The following SLC41A3 variants were observed in gnomAD, a reference collection of about 807,000 sequenced individuals.
SLC41A3 encodes the protein SLC41A1-like 2.
Under a neutral mutation model 45.4 loss-of-function variants are expected in SLC41A3, and 44 were observed. That is an observed-to-expected ratio of 0.97 (90% CI 0.76 to 1.25). The LOEUF (loss-of-function observed/expected upper bound fraction) is 1.25. Among genes scored for constraint, SLC41A3 ranks in the 50% most tolerant of loss-of-function variants. The probability of loss-of-function intolerance (pLI) is 0.00; values close to 1 mark genes in which losing one functional copy is unlikely to be tolerated. For synonymous variants in SLC41A3, 256 were observed against 252.4 expected, an observed-to-expected ratio of 1.01 and a Z score of -0.13; for missense variants, 550 against 600.6, an observed-to-expected ratio of 0.92 and a Z score of 0.88.
At chr3:126,096,137 C>G (rs1576391199) in intron 1 of SLC41A3, among the ~76,000 whole-genome samples, 1 of 152,264 alleles carries the variant, frequency 6.6e-6, no homozygotes, top group East Asian at 1.9e-4. Flanking sequence ...GACCTTAATG[C>G]CAAGAACTGG....
rs1397366638 is a variant in SLC41A3, at chr3:126,093,051, AT to A, written c.-79+8377del. On this transcript the variant is annotated intron_variant, in intron 1 of 9. Transcript: ENST00000508835. ...ACCTCAAGCGACCGCTTTCAGTTCTATTTAGGCAAGAATCCAGCAAGCTAGA... is the reference window on the plus strand; with the variant it reads ...ACCTCAAGCGACCGCTTTCAGTTCTATTAGGCAAGAATCCAGCAAGCTAGA... 9.2e-5 allele frequency among the ~76,000 whole-genome samples: 14 copies of A among 152,304 alleles called. No homozygotes were observed. In the East Asian group the frequency reaches 9.6e-4, roughly 10 times the overall value.
chr3:126,091,374 A>T (rs777634802), intron 1 of SLC41A3, among the ~76,000 whole-genome samples: 2 of 152,096 alleles, frequency 1.3e-5, no homozygotes, highest in Non-Finnish European at 1.5e-5. Flanking sequence ...ACAACACATG[A>T]AAGATTTACA....
At chr3:126,027,957 G>C (rs1296931191) in intron 4 of SLC41A3, among the ~76,000 whole-genome samples, 1 of 152,210 alleles carries the variant, frequency 6.6e-6, no homozygotes, top group Non-Finnish European at 1.5e-5. Flanking sequence ...AAACATTCAA[G>C]ATATGAACTG....
intron 6 of SLC41A3, among the ~76,000 whole-genome samples, chr3:126,020,955 C>CAT (rs1559818000): frequency 1.1e-4 from 16 of 151,496 alleles, no homozygotes; most frequent in Non-Finnish European, 2.1e-4. Flanking sequence ...AGTACAGTGG[C>CAT]GCTATCCCGG....
chr3:126,020,746 G>C (rs561232474), intron 6 of SLC41A3, among the ~76,000 whole-genome samples: 1 of 152,276 alleles, frequency 6.6e-6, no homozygotes, highest in South Asian at 2.1e-4. Context: ...TCTGAAGCCT[G>C]CTACCTGAAG....
intron 8 of SLC41A3, among the ~76,000 whole-genome samples, chr3:126,014,036 G>C (rs1395244688): frequency 6.6e-6 from 1 of 152,172 alleles, no homozygotes; most frequent in Middle Eastern, 3.2e-3. Context: ...GCCATGCTGA[G>C]CATTCCTTCT....
Position 126,006,499 on chromosome 3 carries a change from G to T in SLC41A3, c.*517C>A. The T allele has an allele frequency of 6.2e-7, 1 of 1,613,998 alleles. No homozygotes were observed. The highest frequency in any genetic ancestry group is 8.5e-7 in the Non-Finnish European group (1 of 1,180,000). On this transcript the variant is annotated 3_prime_UTR_variant, in exon 11 of 11. Coordinates refer to ENST00000360370, the MANE Select transcript of SLC41A3 (RefSeq NM_017836.4). ...TGAGTGCAGATGAAGGGTTGTATGA[G>T]GCCCCATCCTGGGGAGGCTGTACAC...
chr3:126,046,662 G>A (rs1049228323), intron 3 of SLC41A3, among the ~76,000 whole-genome samples: 1 of 152,150 alleles, frequency 6.6e-6, no homozygotes, highest in African/African-American at 2.4e-5. Flanking sequence ...ACTTAATATT[G>A]TTAAGATATC....
chr3:126,071,417 G>GA (rs1248245643), intron 1 of SLC41A3, among the ~76,000 whole-genome samples: 1 of 152,134 alleles, frequency 6.6e-6, no homozygotes, highest in Admixed American at 6.5e-5. Context: ...AAAAGTGGCA[G>GA]AACTGAAGGA....
rs1370929053 is a variant in SLC41A3 at position 126,046,382 on chromosome 3, A to AC, written c.381+4560_381+4561insG. ...ACACACACACACACACACACACACAAATTTTTATAATAAATGAATTCAGCA... is the reference window on the plus strand; with the variant it reads ...ACACACACACACACACACACACACAACATTTTTATAATAAATGAATTCAGCA... On this transcript the variant is annotated intron_variant, in intron 3 of 10. Coordinates refer to ENST00000360370, the MANE Select transcript of SLC41A3 (RefSeq NM_017836.4). Among the ~76,000 whole-genome samples, 193 of 130,740 alleles carry AC rather than the reference A, an allele frequency of 1.5e-3. 1 individual carries two copies. The highest frequency in any genetic ancestry group is 4.2e-3 in the African/African-American group (152 of 35,900). 85.8% of individuals were successfully genotyped at this position (130,740 alleles called of 152,430 possible). A position where few individuals can be genotyped will look rare whatever the true frequency, so the allele number is the denominator to read the frequency against.
At chr3:126,042,990 T>C (rs1353932119) in intron 3 of SLC41A3, among the ~76,000 whole-genome samples, 4 of 148,394 alleles carry the variant, frequency 2.7e-5, no homozygotes, top group Admixed American at 1.3e-4. Context: ...GAAGAAATGA[T>C]GGCCAAAAAC....
In SLC41A3 at chr3:126,026,274, T is replaced by TGAGGTGGGACCTCAGAG; in HGVS notation, c.598+44_598+60dup. The TGAGGTGGGACCTCAGAG allele has an allele frequency of 6.5e-7, 1 of 1,544,140 alleles. No homozygotes were observed. ...CAGAAACTGAAAACACAATGAGCTC[T>TGAGGTGGGACCTCAGAG]GAGGTGGGACCTCAGAGGAGCAGGG... On this transcript the variant is annotated intron_variant, in intron 5 of 10. Coordinates refer to ENST00000360370, the MANE Select transcript of SLC41A3 (RefSeq NM_017836.4). The surrounding 1 kb of genome is among the most constrained non-coding windows in gnomAD (Gnocchi z 4.2).
intron 1 of SLC41A3, among the ~76,000 whole-genome samples, chr3:126,074,221 A>AT (rs1384484833): frequency 6.6e-6 from 1 of 151,836 alleles, no homozygotes; most frequent in Non-Finnish European, 1.5e-5. Context: ...ATTCCTAGAC[A>AT]TTAAGACAAG....
In SLC41A3 at chr3:126,010,615, G is replaced by A. The variant is rs148209638; in HGVS notation, c.1106-1735C>T. 2.2e-3 allele frequency among the ~76,000 whole-genome samples: 335 copies of A among 152,228 alleles called. 1 individual carries two copies. Among genetic ancestry groups the A allele is most frequent in the Non-Finnish European group, 4.1e-3 (281 of 68,014 alleles). On this transcript the variant is annotated intron_variant, in intron 9 of 10. Transcript: ENST00000360370. ...ACACCACAGGAAAAACTGCAGCCCC[G>A]ACCTCATCAGGAAAGGCCTGGTGGG...
At chr3:126,095,098 C>G in intron 1 of SLC41A3, 1 of 566,828 alleles carries the variant, frequency 1.8e-6, no homozygotes, top group South Asian at 2.4e-5. Flanking sequence ...AGAAGCAGAA[C>G]AACTGATTTG....
intron 1 of SLC41A3, among the ~76,000 whole-genome samples, chr3:126,075,578 C>A (rs1944844213): frequency 6.6e-6 from 1 of 151,766 alleles, no homozygotes; most frequent in Non-Finnish European, 1.5e-5. Flanking sequence ...TTGGAGAACA[C>A]AGACTTCCTA....
chr3:126,047,353 AAAAC>A (rs917818069), intron 3 of SLC41A3, among the ~76,000 whole-genome samples: 18 of 152,274 alleles, frequency 1.2e-4, no homozygotes, highest in Middle Eastern at 3.4e-3. Context: ...ACCCTGTCTC[AAAAC>A]AAACAAACAA....
At chr3:126,021,898 A>C (rs1394447877) in intron 6 of SLC41A3, among the ~76,000 whole-genome samples, 1 of 152,250 alleles carries the variant, frequency 6.6e-6, no homozygotes, top group Admixed American at 6.5e-5. Flanking sequence ...CATTAAAATA[A>C]CATAAGCTAT....
At chr3:126,034,123 C>T (rs1942013546) in intron 3 of SLC41A3, among the ~76,000 whole-genome samples, 1 of 152,186 alleles carries the variant, frequency 6.6e-6, no homozygotes, top group Admixed American at 6.5e-5. Context: ...CAGTCTTTGG[C>T]CAGGTCCCCC....
Sources: gnomAD v4.1 joint callset for allele counts (sites outside exome capture counted in the v4.1 genomes callset) on GRCh38, gnomAD v4.1.1 for gene constraint, Gnocchi (gnomAD v3.1) non-coding constraint, MANE v1.5 for transcripts, NCBI Gene and HGNC (gene_info 2026-07-23, HGNC 2026-07-21) for gene names.